LMBR1L: variants seen among roughly 807,000 people sequenced by gnomAD.
The protein encoded by LMBR1L is limb development membrane protein 1 like.
In LMBR1L, 47 loss-of-function variants were observed where a neutral mutation model predicts 67.3. That is an observed-to-expected ratio of 0.70 (90% confidence interval 0.55 to 0.89). LMBR1L has a LOEUF of 0.89. LMBR1L is among the 40% of genes least tolerant of loss of function. LMBR1L has a pLI of 0.00. For synonymous variants in LMBR1L, 247 were observed against 250.3 expected, an observed-to-expected ratio of 0.99 and a Z score of 0.13; for missense variants, 533 against 599.2, an observed-to-expected ratio of 0.89 and a Z score of 1.15.
At chr12:49,107,703 G>A (rs773970009) in intron 1 of LMBR1L, among the ~76,000 whole-genome samples, 2 of 152,192 alleles carry the variant, frequency 1.3e-5, no homozygotes, top group Non-Finnish European at 2.9e-5. Flanking sequence ...TTCTAGAGCT[G>A]GCTGGACTGC....
intron 5 of LMBR1L, 90 bp from the exon 6 acceptor site, chr12:49,103,903 G>A: frequency 7.1e-7 from 1 of 1,412,826 alleles, no homozygotes; most frequent in Non-Finnish European, 9.6e-7. Context: ...AACCAGAAAG[G>A]TTTGGATTCA....
rs773051462 is a variant in LMBR1L, at chr12:49,100,545, C to CT, written c.1173+10dup. 1.2e-6 allele frequency: 2 copies of CT among 1,613,718 alleles called. No homozygotes were observed. Among genetic ancestry groups the CT allele is most frequent in the African/African-American group, 2.7e-5 (2 of 74,908 alleles). On this transcript the variant is annotated intron_variant, in intron 14 of 16. Coordinates refer to ENST00000267102, the MANE Select transcript of LMBR1L (RefSeq NM_018113.4). ...ACCCCCCGGGAGCTTCCCTTACTCC[C>CT]TCCCAGCTACCTGCGTCATGGCAGT...
intron 5 of LMBR1L, chr12:49,104,121 G>C: frequency 2.1e-6 from 1 of 478,950 alleles, no homozygotes; most frequent in Admixed American, 3.8e-5. Flanking sequence ...TCCAACAGGA[G>C]AATGGAAGGT....
At position 49,102,367 on chromosome 12, in the gene LMBR1L, G is replaced by C; in HGVS notation, c.779C>G (p.Ser260Cys). 1 of 1,614,248 alleles carries C rather than the reference G, an allele frequency of 6.2e-7. No homozygotes were observed. The highest frequency in any genetic ancestry group is 8.5e-7 in the Non-Finnish European group (1 of 1,180,034). ...ALTRRICNPT[S>C]CWLPLDMELL... ...CTCCATGTCTAAAGGCAGCCAGCAG[G>C]AAGTAGGATCTGAGGGCAGAGAAGA... Residue 260 changes from serine to cysteine, a missense_variant, in exon 10 of 17, where the codon TCC becomes TGC. Ser to Cys is a moderately radical substitution (Grantham distance 112). Transcript: ENST00000267102.
At chr12:49,103,987 C>A in intron 5 of LMBR1L, 174 bp from the exon 6 acceptor site, 2 of 614,404 alleles carry the variant, frequency 3.3e-6, no homozygotes, top group Non-Finnish European at 5.5e-6. Context: ...CTAAGGTCAC[C>A]CCACATACCA....
At chr12:49,104,292 C>G in intron 5 of LMBR1L, 156 bp downstream of exon 5, 1 of 669,038 alleles carries the variant, frequency 1.5e-6, no homozygotes, top group Non-Finnish European at 2.6e-6. Context: ...CCCTTTGTCC[C>G]TACAGGCCTA....
intron 5 of LMBR1L, chr12:49,104,047 T>G (rs1940567099): frequency 1.9e-6 from 1 of 517,850 alleles, no homozygotes; most frequent in Non-Finnish European, 3.4e-6. Context: ...CTTGTCATTG[T>G]GTGCTCTGGG....
At chr12:49,104,988 G>T in intron 3 of LMBR1L, 103 bp from the exon 4 acceptor site, 9 of 1,285,466 alleles carry the variant, frequency 7.0e-6, no homozygotes, top group Non-Finnish European at 9.7e-6. Context: ...TCCAGAACCA[G>T]CTGTAGCAAT....
At position 49,104,570 on chromosome 12, in the gene LMBR1L, A is replaced by G. The variant is rs1940645327; in HGVS notation, c.332-19T>C. On this transcript the variant is annotated intron_variant, in intron 4 of 16. Transcript: ENST00000267102. ...CAGAGGCCTAGAGCAAAAAAGGAAG[A>G]GCAGAAGTGGTCAGTAAGGGGAGGG... The G allele has an allele frequency of 2.5e-6, 4 of 1,602,566 alleles. No individual in the cohort carries two copies. Among genetic ancestry groups the G allele is most frequent in the Non-Finnish European group, 1.7e-6 (2 of 1,169,610 alleles).
chr12:49,103,868 T>C (rs140170182), intron 5 of LMBR1L, 55 bp from the exon 6 acceptor site: 94 of 1,536,718 alleles, frequency 6.1e-5, no homozygotes, highest in African/African-American at 2.9e-4. Context: ...TGTGGGAACA[T>C]TGGAGATGGC....
intron 3 of LMBR1L, among the ~76,000 whole-genome samples, chr12:49,105,545 C>A (rs1365110274): frequency 6.6e-6 from 1 of 152,166 alleles, no homozygotes; most frequent in Non-Finnish European, 1.5e-5. Context: ...CTCCCAGAAC[C>A]AAGCATGCCC....
At chr12:49,107,819 G>A (rs1263296896) in intron 1 of LMBR1L, among the ~76,000 whole-genome samples, 7 of 152,194 alleles carry the variant, frequency 4.6e-5, no homozygotes, top group South Asian at 2.1e-4. Context: ...TGGCCAGCTT[G>A]GCTCTATAAT....
rs746986812 is a variant in LMBR1L at position 49,102,919 on chromosome 12, A to G, written c.664T>C (p.Ser222Pro). Residue 222 changes from serine (S) to proline (P), a missense_variant, in exon 8 of 17, where the codon TCC (serine) becomes CCC (proline). Coordinates refer to ENST00000267102, the MANE Select transcript of LMBR1L (RefSeq NM_018113.4). ...TTGACTAGCAGCTTCCCAGTGACGG[A>G]GAACATGCGGGCGAGACCCAGTGGA... ...CTPLGLARMF[S>P]VTGKLLVKPR... 1.9e-6 allele frequency: 3 copies of G among 1,614,130 alleles called. No individual in the cohort carries two copies. The highest frequency in any genetic ancestry group is 2.5e-6 in the Non-Finnish European group (3 of 1,179,998).
intron 8 of LMBR1L, 99 bp downstream of exon 8, chr12:49,102,788 A>T (rs1940373987): frequency 8.8e-7 from 1 of 1,136,106 alleles, no homozygotes; most frequent in African/African-American, 1.5e-5. Flanking sequence ...AGCTCTCTGC[A>T]AGTTGTGTAC....
At chr12:49,102,673 G>A (rs946636002) in intron 8 of LMBR1L, 133 bp from the exon 9 acceptor site, 34 of 991,330 alleles carry the variant, frequency 3.4e-5, no homozygotes, top group Middle Eastern at 3.1e-4. Context: ...CCTGTGGCCC[G>A]CAGCTTTGCT....
chr12:49,102,623 C>G, intron 8 of LMBR1L, 83 bp from the exon 9 acceptor site: 11 of 1,391,724 alleles, frequency 7.9e-6, no homozygotes, highest in Non-Finnish European at 1.1e-5. Context: ...CTTCCCAGGG[C>G]TCCGTAGTCC....
chr12:49,099,926 G>C (rs911093562), intron 15 of LMBR1L, among the ~76,000 whole-genome samples: 1 of 152,314 alleles, frequency 6.6e-6, no homozygotes, highest in South Asian at 2.1e-4. Flanking sequence ...AGCTCTAAAG[G>C]CAGGAGAAGG....
At chr12:49,106,152 G>T in intron 2 of LMBR1L, 195 bp from the exon 3 acceptor site, 1 of 570,218 alleles carries the variant, frequency 1.8e-6, no homozygotes, top group Non-Finnish European at 3.1e-6. Context: ...TTAAAAATCA[G>T]TGGTCCCAGG....
intron 12 of LMBR1L, 59 bp downstream of exon 12, chr12:49,101,413 C>T (rs1179487802): frequency 1.9e-6 from 3 of 1,605,016 alleles, no homozygotes; most frequent in Non-Finnish European, 2.6e-6. Flanking sequence ...CTTCTGCCTC[C>T]TCTCCCCAGC....
Sources: gnomAD v4.1 joint callset for allele counts (sites outside exome capture counted in the v4.1 genomes callset) on GRCh38, gnomAD v4.1.1 for gene constraint, MANE v1.5 for transcripts, NCBI Gene and HGNC (gene_info 2026-07-23, HGNC 2026-07-21) for gene names.